GAS7: variants seen among roughly 807,000 people sequenced by gnomAD.
The protein encoded by GAS7 is growth arrest specific 7.
A neutral mutation model predicts 71.1 loss-of-function variants in GAS7; 28 were observed. The observed-to-expected ratio is 0.39, with a 90% CI of 0.29 to 0.54. The LOEUF is 0.54. GAS7 is among the 20% of genes least tolerant of loss of function. GAS7 has a pLI of 0.62. For synonymous variants in GAS7, 258 were observed against 245.8 expected (o/e 1.05, Z -0.46); for missense variants, 436 against 627.8 (o/e 0.69, Z 3.27).
rs1168349346 is a variant in GAS7, at chr17:9,913,411, G to A, written c.*3817C>T. The A allele has an allele frequency of 3.0e-5, 7 of 232,424 alleles. No individual in the cohort carries two copies. The highest frequency in any genetic ancestry group is 1.8e-4 in the South Asian group (1 of 5,512). The allele number at this position is 232,424 out of a possible 1,614,324, so 14.4% of individuals were successfully genotyped here. ...AAAATCACCTAAACAAGCCAAGGTC[G>A]CTGATGTCCTTCGAATGTTATGGCT... is the stretch of plus-strand genomic sequence containing the variant. On this transcript the variant is annotated 3_prime_UTR_variant, in exon 14 of 14. Coordinates refer to ENST00000432992, the MANE Select transcript of GAS7 (RefSeq NM_201433.2).
intron 5 of GAS7, among the ~76,000 whole-genome samples, chr17:9,953,951 G>A (rs192852635): frequency 5.6e-4 from 86 of 152,316 alleles, no homozygotes; most frequent in African/African-American, 1.9e-3. Context: ...CAACAGTTCC[G>A]TAAATAAGTC....
In GAS7 at chr17:9,916,991, G is replaced by A. The variant is rs924953138; in HGVS notation, c.*237C>T. On this transcript the variant is annotated 3_prime_UTR_variant, in exon 14 of 14. Coordinates refer to ENST00000432992, the MANE Select transcript of GAS7 (RefSeq NM_201433.2). ...TCAGAGCGGCAAGCACAGCATGGGA[G>A]TCAGGGGGTCTTCAGCCTCAGAGAC... The A allele has an allele frequency of 1.2e-5, 7 of 571,988 alleles. No individual in the cohort carries two copies. The highest frequency in any genetic ancestry group is 1.9e-5 in the African/African-American group (1 of 53,630). The allele number at this position is 571,988 out of a possible 1,614,324, so 35.4% of individuals were successfully genotyped here. A position where few individuals can be genotyped will look rare whatever the true frequency, so the allele number is the denominator to read the frequency against.
intron 1 of GAS7, among the ~76,000 whole-genome samples, chr17:10,154,482 T>C (rs145400745): frequency 1.1e-4 from 16 of 151,408 alleles, no homozygotes; most frequent in African/African-American, 3.9e-4. Flanking sequence ...CCAGCTTAGA[T>C]GACAGGGTGA....
intron 1 of GAS7, among the ~76,000 whole-genome samples, chr17:10,107,034 G>T (rs532952236): frequency 1.1e-4 from 16 of 152,134 alleles, no homozygotes; most frequent in South Asian, 4.1e-4. Flanking sequence ...GGAAACAGGC[G>T]CCAAGGAAGG....
chr17:10,128,708 C>A (rs1274576691), intron 1 of GAS7, among the ~76,000 whole-genome samples: 1 of 151,882 alleles, frequency 6.6e-6, no homozygotes, highest in Non-Finnish European at 1.5e-5. Context: ...CAAGCTCCGC[C>A]TCCCGGGTTC....
chr17:10,160,975 C>CAG (rs906901244), intron 1 of GAS7, among the ~76,000 whole-genome samples: 3 of 150,218 alleles, frequency 2.0e-5, no homozygotes, highest in Non-Finnish European at 4.4e-5. Flanking sequence ...CACACACACA[C>CAG]ACAGACGAAG....
At chr17:10,121,185 A>G (rs1234350456) in intron 1 of GAS7, among the ~76,000 whole-genome samples, 2 of 152,188 alleles carry the variant, frequency 1.3e-5, no homozygotes, top group African/African-American at 4.8e-5. Context: ...GTTTGAGACC[A>G]GCCTGGCCAA....
intron 5 of GAS7, among the ~76,000 whole-genome samples, chr17:9,949,571 C>T (rs1309384272): frequency 6.6e-6 from 1 of 151,994 alleles, no homozygotes; most frequent in East Asian, 1.9e-4. Flanking sequence ...GGGGAGAAGT[C>T]CCCAACAAAA....
chr17:9,995,523 T>C (rs915962616), intron 2 of GAS7, among the ~76,000 whole-genome samples: 8 of 121,978 alleles, frequency 6.6e-5, no homozygotes, highest in Non-Finnish European at 1.2e-4. Flanking sequence ...GAAAAAACAA[T>C]TGCAAATGAT....
chr17:10,141,135 C>T lies in GAS7; in HGVS notation c.183+57073G>A, dbSNP rs1042863791. ...CTGCCTTGGGAAGCTGCTCACAGGT[C>T]ACATCAAGGGGATATTAAAGCCACT... On this transcript the variant is annotated intron_variant, in intron 1 of 13. Coordinates refer to ENST00000432992, the MANE Select transcript of GAS7 (RefSeq NM_201433.2). Among the ~76,000 whole-genome samples the T allele has an allele frequency of 2.6e-5, 4 of 152,334 alleles. 1 individual carries two copies. Among genetic ancestry groups the T allele is most frequent in the African/African-American group, 4.8e-5 (2 of 41,582 alleles).
chr17:10,047,960 T>C (rs2073003643), intron 1 of GAS7, among the ~76,000 whole-genome samples: 1 of 152,172 alleles, frequency 6.6e-6, no homozygotes, highest in African/African-American at 2.4e-5. Flanking sequence ...GCAATTAAAA[T>C]TATCAAGTAT....
At chr17:10,159,543 C>A (rs1478153142) in intron 1 of GAS7, among the ~76,000 whole-genome samples, 1 of 150,756 alleles carries the variant, frequency 6.6e-6, no homozygotes, top group Non-Finnish European at 1.5e-5. Flanking sequence ...GCCAGATGCA[C>A]CCCCCCCAAC....
chr17:10,017,609 A>G (rs916276040), intron 2 of GAS7, among the ~76,000 whole-genome samples: 34 of 152,192 alleles, frequency 2.2e-4, no homozygotes, highest in Admixed American at 7.2e-4. Context: ...GATTACAGGC[A>G]TGAGCCACCA....
rs764178508 is a variant in GAS7, at chr17:10,089,517, GT to G, written c.184-69621del. Among the ~76,000 whole-genome samples, 3 of 104,786 alleles carry G rather than the reference GT, an allele frequency of 2.9e-5. No homozygotes were observed. In the East Asian group the frequency reaches 6.6e-4, roughly 23 times the overall value. The allele number at this position is 104,786 out of a possible 152,430, so 68.7% of individuals were successfully genotyped here. On this transcript the variant is annotated intron_variant, in intron 1 of 13. Coordinates refer to ENST00000432992, the MANE Select transcript of GAS7 (RefSeq NM_201433.2). ...TACGGGTTCAGAGAAAGAGAACACA[GT>G]AAAAAAAAAAAAAAAGTATTTAAAG...
intron 1 of GAS7, among the ~76,000 whole-genome samples, chr17:10,055,165 A>G (rs2073119202): frequency 1.3e-5 from 2 of 152,154 alleles, no homozygotes; most frequent in African/African-American, 4.8e-5. Context: ...TCAGGTCTGA[A>G]TGTGAAATGA....
intron 1 of GAS7, among the ~76,000 whole-genome samples, chr17:10,098,942 C>T (rs778475420): frequency 1.3e-5 from 2 of 151,910 alleles, no homozygotes; most frequent in South Asian, 2.1e-4. Flanking sequence ...GATGACAGAG[C>T]GAGACTCCAT....
intron 1 of GAS7, among the ~76,000 whole-genome samples, chr17:10,121,453 A>G (rs1028995653): frequency 2.0e-5 from 3 of 152,082 alleles, no homozygotes; most frequent in Non-Finnish European, 4.4e-5. Context: ...TGGTTCTGCT[A>G]CTCACTGGCT....
chr17:10,146,960 TA>T (rs1252230604), intron 1 of GAS7, among the ~76,000 whole-genome samples: 1 of 144,772 alleles, frequency 6.9e-6, no homozygotes, highest in Non-Finnish European at 1.5e-5. Flanking sequence ...CTCCGTCTCA[TA>T]AAAAAAACGA....
At chr17:10,039,724 A>T (rs1377194120) in intron 1 of GAS7, 1 of 456,120 alleles carries the variant, frequency 2.2e-6, no homozygotes, top group Admixed American at 2.4e-5. Flanking sequence ...CTGGCCACCT[A>T]TAGCAGGACT....
Sources: allele counts gnomAD v4.1 joint callset (sites outside exome capture counted in the v4.1 genomes callset), GRCh38; gene constraint gnomAD v4.1.1; transcripts MANE v1.5; gene names NCBI Gene and HGNC (gene_info 2026-07-23, HGNC 2026-07-21).